Variants in ARID1B observed in about 807,000 individuals in gnomAD.
ARID1B encodes the protein AT-rich interaction domain 1B.
In ARID1B, 30 loss-of-function variants were observed where a neutral mutation model predicts 212.3. That is an observed-to-expected ratio of 0.14 (90% CI 0.11 to 0.19). The LOEUF (loss-of-function observed/expected upper bound fraction) is 0.19. Ranked by LOEUF, ARID1B falls within the 10% of genes least tolerant of loss-of-function variation. The probability of loss-of-function intolerance (pLI) is 1.00; values close to 1 mark genes in which losing one functional copy is unlikely to be tolerated. For synonymous variants in ARID1B, 1,402 were observed against 1,301.7 expected, an observed-to-expected ratio of 1.08 and a Z score of -1.66; for missense variants, 2,891 against 3,204.0, an observed-to-expected ratio of 0.90 and a Z score of 2.36.
At chr6:157,140,470 G>A (rs1789267340) in intron 7 of ARID1B, 4 of 388,848 alleles carry the variant, frequency 1.0e-5, no homozygotes, top group Non-Finnish European at 1.8e-5. Context: ...ACCTTGTCTC[G>A]ATAAAAATAA....
At chr6:157,165,308 A>C (rs1010481080) in intron 8 of ARID1B, among the ~76,000 whole-genome samples, 1 of 152,208 alleles carries the variant, frequency 6.6e-6, no homozygotes, top group Non-Finnish European at 1.5e-5. Flanking sequence ...TTGCAGGCTA[A>C]AGTAATGCCC....
intron 2 of ARID1B, among the ~76,000 whole-genome samples, chr6:156,897,206 G>GCTTCTTCTT (rs1562468084): frequency 1.1e-4 from 9 of 82,800 alleles, no homozygotes; most frequent in African/African-American, 3.2e-4. Flanking sequence ...TGCTGCTGCT[G>GCTTCTTCTT]CTGCTGCTGC....
intron 5 of ARID1B, among the ~76,000 whole-genome samples, chr6:157,088,285 G>A (rs543167777): frequency 1.3e-5 from 2 of 152,292 alleles, no homozygotes; most frequent in South Asian, 2.1e-4. Flanking sequence ...GACCTTGGGG[G>A]AGTAGTCCAT....
chr6:157,067,104 T>G (rs1305587419), intron 4 of ARID1B, among the ~76,000 whole-genome samples: 2 of 152,234 alleles, frequency 1.3e-5, no homozygotes, highest in Non-Finnish European at 2.9e-5. Flanking sequence ...TCTCACTGTT[T>G]GCCAAGCAGA....
chr6:157,182,887 C>T (rs1239630713), intron 12 of ARID1B, among the ~76,000 whole-genome samples: 1 of 152,198 alleles, frequency 6.6e-6, no homozygotes, highest in Non-Finnish European at 1.5e-5. Context: ...TCCCCTGCAC[C>T]TAGCCTCTTC....
chr6:156,935,711 AT>A, intron 4 of ARID1B, 135 bp downstream of exon 4: 1 of 787,440 alleles, frequency 1.3e-6, no homozygotes, highest in Non-Finnish European at 2.0e-6. Flanking sequence ...TTTGTGGTCA[AT>A]TTTTCAAGGT....
At chr6:156,863,034 G>T (rs1281624404) in intron 2 of ARID1B, among the ~76,000 whole-genome samples, 1 of 152,194 alleles carries the variant, frequency 6.6e-6, no homozygotes, top group Non-Finnish European at 1.5e-5. Flanking sequence ...AGACAGTGCC[G>T]GGTCATGGAG....
At chr6:157,182,340 C>G (rs1792610443) in intron 12 of ARID1B, among the ~76,000 whole-genome samples, 1 of 152,206 alleles carries the variant, frequency 6.6e-6, no homozygotes, top group South Asian at 2.1e-4. Context: ...CTGTCTGACT[C>G]CAGACACATA....
At chr6:157,070,541 G>A (rs1489575154) in intron 4 of ARID1B, among the ~76,000 whole-genome samples, 1 of 152,190 alleles carries the variant, frequency 6.6e-6, no homozygotes, top group Non-Finnish European at 1.5e-5. Flanking sequence ...TAGGAGCTCA[G>A]CATCGTTTCC....
intron 1 of ARID1B, among the ~76,000 whole-genome samples, chr6:156,817,793 A>G (rs865790354): frequency 2.0e-5 from 3 of 152,194 alleles, no homozygotes; most frequent in Admixed American, 1.3e-4. Context: ...CTGTTCATCT[A>G]TCCATCTGTT....
At chr6:156,835,647 A>G (rs184792394) in intron 2 of ARID1B, among the ~76,000 whole-genome samples, 3 of 152,344 alleles carry the variant, frequency 2.0e-5, no homozygotes, top group Admixed American at 6.5e-5. Flanking sequence ...TCATGTACAC[A>G]TGAGTTCCAC....
rs1794689085 is a variant in ARID1B at position 157,210,098 on chromosome 6, AATC to A, written c.*2211_*2213del. 1 of 232,764 alleles carries A rather than the reference AATC, an allele frequency of 4.3e-6. No homozygotes were observed. Among genetic ancestry groups the A allele is most frequent in the African/African-American group, 2.2e-5 (1 of 45,354 alleles). The allele number at this position is 232,764 out of a possible 1,614,324, so 14.4% of individuals were successfully genotyped here. Reference sequence around the variant, plus strand: ...GACTCTCCAGTGTCACGAGGAAAAAAATCATCTTTTCTGCAAACAGTCTCTCAT... The same window carrying A: ...GACTCTCCAGTGTCACGAGGAAAAAAATCTTTTCTGCAAACAGTCTCTCAT... On this transcript the variant is annotated 3_prime_UTR_variant, in exon 20 of 20. Transcript: ENST00000636930.
intron 6 of ARID1B, among the ~76,000 whole-genome samples, chr6:157,123,247 C>CACACACACA (rs1554299919): frequency 8.9e-6 from 1 of 111,766 alleles, no homozygotes; most frequent in Non-Finnish European, 1.8e-5. Flanking sequence ...CGCCCCCCCC[C>CACACACACA]CACACACACA....
At chr6:157,147,275 GCCAGC>G (rs1789818138) in intron 7 of ARID1B, among the ~76,000 whole-genome samples, 1 of 2,356 alleles carries the variant, frequency 4.2e-4, no homozygotes, top group Non-Finnish European at 6.1e-4. Flanking sequence ...GACCCTGCCC[GCCAGC>G]CCTCACCCCC....
chr6:156,923,504 T>G (rs932655733), intron 3 of ARID1B, among the ~76,000 whole-genome samples: 2 of 152,152 alleles, frequency 1.3e-5, no homozygotes, highest in Non-Finnish European at 2.9e-5. Flanking sequence ...CTTGGCAGGT[T>G]ACTCAACCTA....
chr6:156,989,924 AG>A (rs1333282501), intron 4 of ARID1B, among the ~76,000 whole-genome samples: 1 of 152,208 alleles, frequency 6.6e-6, no homozygotes, highest in Non-Finnish European at 1.5e-5. Context: ...GAGGCATCTA[AG>A]CTTATGGTTG....
intron 4 of ARID1B, among the ~76,000 whole-genome samples, chr6:157,003,705 A>T (rs1779033452): frequency 6.6e-6 from 1 of 152,086 alleles, no homozygotes; most frequent in African/African-American, 2.4e-5. Flanking sequence ...TTTATTTTTT[A>T]AGAGTTAGGG....
Position 157,110,237 on chromosome 6 carries a change from G to A in ARID1B, c.2492-235G>A, listed in dbSNP as rs536971208. The stretch of plus-strand genomic sequence containing the variant: ...CAGATTGATTCATATATGAGTTTAG[G>A]AACTCATTCAGTAACAACTTTTCAG... On this transcript the variant is annotated intron_variant, in intron 5 of 19. Transcript: ENST00000636930. Among the ~76,000 whole-genome samples the A allele has an allele frequency of 4.8e-4, 73 of 152,180 alleles. 2 individuals are homozygous for A. In the South Asian group the frequency reaches 0.014, roughly 29 times the overall value.
At chr6:157,087,529 C>T (rs1184523736) in intron 5 of ARID1B, among the ~76,000 whole-genome samples, 2 of 152,214 alleles carry the variant, frequency 1.3e-5, no homozygotes, top group Non-Finnish European at 2.9e-5. Context: ...GCGGAGCACT[C>T]AGTGCTTGTT....
Sources: allele counts gnomAD v4.1 joint callset (sites outside exome capture counted in the v4.1 genomes callset), GRCh38; gene constraint gnomAD v4.1.1; transcripts MANE v1.5; gene names NCBI Gene and HGNC (gene_info 2026-07-23, HGNC 2026-07-21).